Variants in STAB1 observed in about 807,000 individuals in gnomAD.
STAB1 encodes the protein stabilin 1, also known as stabilin-1.
A neutral mutation model predicts 332.4 loss-of-function variants in STAB1; 250 were observed. The ratio of observed to expected loss-of-function variants is 0.75; its 90% CI spans 0.68 to 0.84. STAB1 has a LOEUF of 0.84. Among genes scored for constraint, STAB1 ranks in the 40% least tolerant of loss-of-function variants. The probability of loss-of-function intolerance (pLI) is 0.00; values close to 1 mark genes in which losing one functional copy is unlikely to be tolerated. For synonymous variants in STAB1, 1,475 were observed against 1,390.4 expected (o/e 1.06, Z -1.35); for missense variants, 3,249 against 3,489.7 (o/e 0.93, Z 1.74).
intron 66 of STAB1, 24 bp from the exon 67 acceptor site, chr3:52,523,847 A>G (rs2079168970): frequency 1.3e-6 from 2 of 1,589,786 alleles, no homozygotes; most frequent in African/African-American, 2.7e-5. Context: ...CCGCCAGGTC[A>G]ACACTCTCCC....
In STAB1 at chr3:52,522,248, C is replaced by A; in HGVS notation, c.6465+18C>A. On this transcript the variant is annotated intron_variant, in intron 59 of 68. Coordinates refer to ENST00000321725, the MANE Select transcript of STAB1 (RefSeq NM_015136.3). ...CCGGCCTGGTGAGCAGGTGGGGGAA[C>A]CGAGTAGCCAGGGTGGGGAGGCCTG... 1 of 1,611,912 alleles carries A rather than the reference C, an allele frequency of 6.2e-7. No homozygotes were observed. Among genetic ancestry groups the A allele is most frequent in the Non-Finnish European group, 8.5e-7 (1 of 1,179,340 alleles).
chr3:52,512,834 G>A lies in STAB1; in HGVS notation c.3034G>A (p.Gly1012Ser), dbSNP rs758741334. ...GCTCCCTGTGTGCGTGCAGAGTGCC[G>A]GCATCACGCTTCCTGCCGACCGCCG... is the stretch of plus-strand genomic sequence containing the variant. ...SIFYQWLKSA[G>S]ITLPADRRVT... is the part of the protein sequence containing the mutation. The change falls in exon 29 of 69, where the codon GGC (glycine) becomes AGC (serine). Residue 1012 changes from glycine to serine, a missense_variant. Gly to Ser is a moderately conservative substitution (Grantham distance 56). Coordinates refer to ENST00000321725, the MANE Select transcript of STAB1 (RefSeq NM_015136.3). 1.6e-5 allele frequency: 26 copies of A among 1,608,678 alleles called. No individual in the cohort carries two copies. In the East Asian group the frequency reaches 2.9e-4, roughly 18 times the overall value.
rs1213881914 is a variant in STAB1, at chr3:52,524,123, C to T, written c.7566C>T (p.Asp2522=). 6.2e-7 allele frequency: 1 copy of T among 1,613,836 alleles called. No individual in the cohort carries two copies. ...AFQAEDDADD[D]FSPWQEGTNP... is the part of the protein sequence containing the mutation. ...AGGCGGAAGATGATGCTGATGACGA[C>T]TTCTCACCGTGGCAAGAAGGGACCA... The change falls in exon 68 of 69, where the codon GAC becomes GAT. Residue 2522 remains aspartate (D), a synonymous_variant. Coordinates refer to ENST00000321725, the MANE Select transcript of STAB1 (RefSeq NM_015136.3).
At chr3:52,503,975 G>T (rs1708649384) in intron 9 of STAB1, 53 bp from the exon 10 acceptor site, 18 of 1,607,094 alleles carry the variant, frequency 1.1e-5, no homozygotes, top group Non-Finnish European at 1.5e-5. Context: ...CGTGGGGGGT[G>T]CGGTGGGGGG....
rs779793045 is a variant in STAB1, at chr3:52,517,123, C to T, written c.4489+14C>T. 15 of 1,528,106 alleles carry T rather than the reference C, an allele frequency of 9.8e-6. No individual in the cohort carries two copies. The highest frequency in any genetic ancestry group is 1.2e-5 in the Non-Finnish European group (14 of 1,139,110). 94.7% of individuals were successfully genotyped at this position (1,528,106 alleles called of 1,614,324 possible). A position where few individuals can be genotyped will look rare whatever the true frequency, so the allele number is the denominator to read the frequency against. On this transcript the variant is annotated intron_variant, in intron 42 of 68. Coordinates refer to ENST00000321725, the MANE Select transcript of STAB1 (RefSeq NM_015136.3). The stretch of plus-strand genomic sequence containing the variant: ...AGCTGTGCCAGGGTGAGACTAGGCC[C>T]CTAACCTGGGTTTATGTTGGGCTAG...
At position 52,501,658 on chromosome 3, in the gene STAB1, G is replaced by A; in HGVS notation, c.236G>A (p.Gly79Asp). Residue 79 changes from glycine (G) to aspartate (D), a missense_variant, in exon 3 of 69, where the codon GGC (glycine) becomes GAC (aspartate). By Grantham distance (94) the Gly-to-Asp change is moderately conservative. Transcript: ENST00000321725. The part of the protein sequence containing the change: ...QDCRYEVQLG[G>D]SMVSMSGCRR... ...CCCAGCTACGAAGTACAGCTGGGGG[G>A]CTCTATGGTGTCCATGAGCGGCTGC... 2 of 1,569,594 alleles carry A rather than the reference G, an allele frequency of 1.3e-6. No homozygotes were observed. The highest frequency in any genetic ancestry group is 1.4e-5 in the African/African-American group (1 of 73,780).
intron 34 of STAB1, 85 bp downstream of exon 34, chr3:52,514,581 G>A: frequency 1.9e-6 from 3 of 1,551,544 alleles, no homozygotes; most frequent in Non-Finnish European, 2.6e-6. Flanking sequence ...CTAGCTGTGA[G>A]CCTCCAACCT....
intron 55 of STAB1, 108 bp from the exon 56 acceptor site, chr3:52,521,253 G>A: frequency 6.7e-7 from 1 of 1,484,140 alleles, no homozygotes. Flanking sequence ...TCTTAGCAGT[G>A]GGCGGACATA....
intron 21 of STAB1, chr3:52,508,679 T>C: frequency 2.8e-6 from 1 of 355,250 alleles, no homozygotes; most frequent in Non-Finnish European, 5.5e-6. Flanking sequence ...AAAATTAGCC[T>C]GGTGTTATGG....
chr3:52,518,280 C>T (rs759827710), intron 45 of STAB1, 32 bp from the exon 46 acceptor site: 14 of 1,611,158 alleles, frequency 8.7e-6, no homozygotes, highest in Non-Finnish European at 1.2e-5. Context: ...ATGGGGGCCG[C>T]CCCAAATCTG....
At chr3:52,506,365 T>C in intron 17 of STAB1, 115 bp downstream of exon 17, 1 of 976,470 alleles carries the variant, frequency 1.0e-6, no homozygotes, top group Non-Finnish European at 1.6e-6. Flanking sequence ...TGCTAGGCCA[T>C]GGCGGGCTCA....
intron 1 of STAB1, among the ~76,000 whole-genome samples, chr3:52,497,133 T>A (rs934029836): frequency 6.6e-6 from 1 of 151,716 alleles, no homozygotes; most frequent in African/African-American, 2.4e-5. Context: ...TCCCGAGAAC[T>A]GGGATTACAG....
chr3:52,503,451 A>C lies in STAB1; in HGVS notation c.802A>C (p.Met268Leu), dbSNP rs1708602150. ...CCCTGAGAACTACCATGGCGATGGG[A>C]TGGTGTGTCTGCCCAAGGACCCATG... ...HCPENYHGDG[M>L]VCLPKDPCTD... The change falls in exon 8 of 69, where the codon ATG becomes CTG. Residue 268 changes from methionine to leucine, a missense_variant. Met to Leu is a conservative substitution (Grantham distance 15). Transcript: ENST00000321725. 6.2e-7 allele frequency: 1 copy of C among 1,613,780 alleles called. No homozygotes were observed.
intron 2 of STAB1, 127 bp from the exon 3 acceptor site, chr3:52,501,511 C>T: frequency 9.0e-7 from 1 of 1,105,072 alleles, no homozygotes; most frequent in Non-Finnish European, 1.3e-6. Context: ...GTGCTAGGCC[C>T]TGTGCTCAGC....
intron 21 of STAB1, chr3:52,508,655 G>C (rs1352338743): frequency 5.4e-6 from 2 of 370,984 alleles, no homozygotes; most frequent in East Asian, 1.4e-4. Context: ...AACCCTGTCT[G>C]TACTAAAAAT....
chr3:52,516,779 A>G lies in STAB1; in HGVS notation c.4363+11A>G. ...GCATCTTCTGTTCAGGTCCAGCCAC[A>G]CGGATGCCCAGGGCCCTCCCTGAAA... On this transcript the variant is annotated intron_variant, in intron 41 of 68. Coordinates refer to ENST00000321725, the MANE Select transcript of STAB1 (RefSeq NM_015136.3). 1 of 1,604,924 alleles carries G rather than the reference A, an allele frequency of 6.2e-7. No individual in the cohort carries two copies. Among genetic ancestry groups the G allele is most frequent in the East Asian group, 2.3e-5 (1 of 44,390 alleles).
chr3:52,520,228 C>T lies in STAB1; in HGVS notation c.5437C>T (p.Leu1813=). The T allele has an allele frequency of 6.2e-7, 1 of 1,613,198 alleles. No individual in the cohort carries two copies. Among genetic ancestry groups the T allele is most frequent in the Non-Finnish European group, 8.5e-7 (1 of 1,180,030 alleles). ...GGCCTTGGCATCTGACCTGCCCAAC[C>T]TGGGCCCACTTCGAACCATGCATGG... ...VEALASDLPN[L]GPLRTMHGTP... Residue 1813 remains leucine, a synonymous_variant, in exon 52 of 69, where the codon CTG becomes TTG. Transcript: ENST00000321725.
At chr3:52,503,665 A>G in intron 8 of STAB1, 107 bp from the exon 9 acceptor site, 4 of 1,562,244 alleles carry the variant, frequency 2.6e-6, no homozygotes, top group Non-Finnish European at 3.5e-6. Context: ...GGGAGAGGAT[A>G]AGGGTCCTCT....
rs372930047 is a variant in STAB1 at position 52,516,695 on chromosome 3, C to T, written c.4290C>T (p.Cys1430=). The T allele has an allele frequency of 3.0e-5, 48 of 1,612,426 alleles. No homozygotes were observed. In the African/African-American group the frequency reaches 3.1e-4, roughly 10 times the overall value. ...CPRKCDPNAN[C]VQDSAGASTC... ...CTGCTGCTACCACCCCTCCCAGCTG[C>T]GTGCAGGACTCGGCCGGAGCCTCCA... The change falls in exon 41 of 69, where the codon TGC becomes TGT. Residue 1430 remains cysteine (C), a synonymous_variant. Coordinates refer to ENST00000321725, the MANE Select transcript of STAB1 (RefSeq NM_015136.3).
Sources: gnomAD v4.1 joint callset for allele counts (sites outside exome capture counted in the v4.1 genomes callset) on GRCh38, gnomAD v4.1.1 for gene constraint, MANE v1.5 for transcripts, NCBI Gene and HGNC (gene_info 2026-07-23, HGNC 2026-07-21) for gene names.